Variants in ACTR3C observed in about 807,000 individuals in gnomAD.
ACTR3C encodes actin related protein 3C.
ACTR3C carries 18 observed loss-of-function variants against 26.3 expected under a neutral mutation model. That is an observed-to-expected ratio of 0.68 (90% CI 0.47 to 1.01). The LOEUF (loss-of-function observed/expected upper bound fraction) is 1.01. Ranked by LOEUF, ACTR3C falls within the 50% of genes least tolerant of loss-of-function variation. The probability of loss-of-function intolerance (pLI) is 0.00; values close to 1 mark genes in which losing one functional copy is unlikely to be tolerated. For missense variants in ACTR3C, 184 were observed against 250.7 expected (o/e 0.73, Z 1.80); for synonymous variants, 55 against 94.5 (o/e 0.58, Z 2.42).
At chr7:150,222,900 C>G in the ACTR3C span, among the ~76,000 whole-genome samples, 1 of 152,158 alleles carries the variant, frequency 6.6e-6, no homozygotes, top group Non-Finnish European at 1.5e-5. Flanking sequence ...CTGAAATTTC[C>G]TGCATTGTGA....
chr7:150,117,000 G>C, the ACTR3C span, among the ~76,000 whole-genome samples: 6 of 152,082 alleles, frequency 3.9e-5, no homozygotes, highest in Non-Finnish European at 5.9e-5. Context: ...TCCCTCCCCT[G>C]GCCAAGGGAA....
At chr7:150,234,093 T>G in the ACTR3C span, among the ~76,000 whole-genome samples, 11 of 152,166 alleles carry the variant, frequency 7.2e-5, no homozygotes, top group Admixed American at 3.3e-4. Context: ...CCTTATATAC[T>G]CCTCCACAGA....
the ACTR3C span, among the ~76,000 whole-genome samples, chr7:149,892,876 G>A: frequency 1.8e-4 from 27 of 149,984 alleles, no homozygotes; most frequent in East Asian, 2.0e-4. Context: ...AAAAAAAGCC[G>A]TTAAAATTTA....
At chr7:149,952,386 G>C in the ACTR3C span, among the ~76,000 whole-genome samples, 1 of 147,344 alleles carries the variant, frequency 6.8e-6, no homozygotes, top group Admixed American at 6.6e-5. Flanking sequence ...CTCTATTTTA[G>C]CTTGAATATG....
chr7:150,220,930 G>A, the ACTR3C span, among the ~76,000 whole-genome samples: 2 of 152,290 alleles, frequency 1.3e-5, no homozygotes, highest in Non-Finnish European at 2.9e-5. Flanking sequence ...GCCCACTCTT[G>A]CCTACAGCTC....
the ACTR3C span, among the ~76,000 whole-genome samples, chr7:150,168,060 T>C: frequency 6.6e-6 from 1 of 150,774 alleles, no homozygotes; most frequent in Non-Finnish European, 1.5e-5. Flanking sequence ...TGTAGAAGAA[T>C]TGAACATCTT....
the ACTR3C span, among the ~76,000 whole-genome samples, chr7:150,086,666 C>A: frequency 6.6e-6 from 1 of 152,122 alleles, no homozygotes; most frequent in African/African-American, 2.4e-5. Flanking sequence ...GATGAGAGAG[C>A]CTGGGAGTTG....
chr7:150,159,108 T>G, the ACTR3C span, among the ~76,000 whole-genome samples: 2 of 152,210 alleles, frequency 1.3e-5, no homozygotes, highest in African/African-American at 2.4e-5. Context: ...CATTTCACAA[T>G]GTGTTTATCA....
At chr7:150,285,705 TACTGAATATAA>T (rs1207563755) in intron 5 of ACTR3C, among the ~76,000 whole-genome samples, 2 of 152,186 alleles carry the variant, frequency 1.3e-5, no homozygotes, top group Non-Finnish European at 2.9e-5. Flanking sequence ...GTAACCCACC[TACTGAATATAA>T]ACTGAATTAG....
At chr7:149,948,560 G>A in the ACTR3C span, among the ~76,000 whole-genome samples, 5 of 151,174 alleles carry the variant, frequency 3.3e-5, no homozygotes, top group African/African-American at 7.4e-5. Context: ...GTCCAGGCCC[G>A]CTGGCTGGAA....
the ACTR3C span, among the ~76,000 whole-genome samples, chr7:149,923,005 A>G: frequency 2.2e-5 from 2 of 92,238 alleles, no homozygotes; most frequent in South Asian, 6.7e-4. Context: ...TACAAATCAG[A>G]TGCTGAAAGG....
At chr7:150,025,000 G>T in the ACTR3C span, among the ~76,000 whole-genome samples, 1 of 152,068 alleles carries the variant, frequency 6.6e-6, no homozygotes, top group East Asian at 1.9e-4. Context: ...CCTCTGGAAA[G>T]GATGTTTGTC....
At chr7:150,111,250 G>A in the ACTR3C span, among the ~76,000 whole-genome samples, 1 of 115,800 alleles carries the variant, frequency 8.6e-6, no homozygotes, top group Admixed American at 8.1e-5. Context: ...CCTGCTTCCC[G>A]CACACGTTGG....
the ACTR3C span, among the ~76,000 whole-genome samples, chr7:150,183,295 A>C: frequency 7.5e-6 from 1 of 133,048 alleles, no homozygotes; most frequent in Non-Finnish European, 1.5e-5. Flanking sequence ...TCCCTTTGTA[A>C]ATATGACCAT....
the ACTR3C span, among the ~76,000 whole-genome samples, chr7:149,903,788 C>T: frequency 3.4e-5 from 5 of 148,142 alleles, no homozygotes; most frequent in African/African-American, 1.2e-4. Flanking sequence ...AAGCAATCCT[C>T]CCACCTCGGC....
chr7:149,976,854 G>A, the ACTR3C span, among the ~76,000 whole-genome samples: 17 of 151,624 alleles, frequency 1.1e-4, no homozygotes, highest in African/African-American at 3.4e-4. Flanking sequence ...GTACAGCATC[G>A]CATGGTGGCC....
At chr7:150,202,515 GA>G in the ACTR3C span, among the ~76,000 whole-genome samples, 1 of 151,962 alleles carries the variant, frequency 6.6e-6, no homozygotes. Flanking sequence ...AAATTTGCTA[GA>G]TTAAAAAAAA....
At chr7:149,903,595 G>A in the ACTR3C span, among the ~76,000 whole-genome samples, 3 of 151,916 alleles carry the variant, frequency 2.0e-5, no homozygotes, top group South Asian at 6.2e-4. Flanking sequence ...AGGCAGGAGT[G>A]TAGTGGCGCA....
chr7:150,121,882 T>C, the ACTR3C span, among the ~76,000 whole-genome samples: 1 of 152,126 alleles, frequency 6.6e-6, no homozygotes, highest in Non-Finnish European at 1.5e-5. Context: ...AAAACAGATA[T>C]ATCAACCAAT....
Sources: gnomAD v4.1 joint callset for allele counts (sites outside exome capture counted in the v4.1 genomes callset) on GRCh38, gnomAD v4.1.1 for gene constraint, MANE v1.5 for transcripts, NCBI Gene and HGNC (gene_info 2026-07-23, HGNC 2026-07-21) for gene names.